Variants in DST observed in about 807,000 individuals in gnomAD.
DST encodes bullous pemphigoid antigen.
Under a neutral mutation model 875.2 loss-of-function variants are expected in DST, and 253 were observed. That is an observed-to-expected ratio of 0.29 (90% CI 0.26 to 0.32). DST has a LOEUF of 0.32. DST is among the 10% of genes least tolerant of loss of function. The pLI is 1.00. For missense variants in DST, 8,287 were observed against 9,111.6 expected (o/e 0.91, Z 3.68); for synonymous variants, 3,124 against 3,197.1 (o/e 0.98, Z 0.77).
In DST at chr6:56,517,237, G is replaced by A. The variant is rs750364011; in HGVS notation, c.18318C>T (p.Ile6106=). ...IDDLVKSGHK[I]MTACSEEEKQ... ...TTTCCTCTTCACTGCATGCGGTCAT[G>A]ATTTTATGCCCAGATTTAACAAGGT... The change falls in exon 71 of 104, where the codon ATC becomes ATT. Residue 6106 remains isoleucine, a synonymous_variant. Transcript: ENST00000680361. The A allele has an allele frequency of 7.4e-6, 12 of 1,613,100 alleles. No homozygotes were observed. The highest frequency in any genetic ancestry group is 1.1e-5 in the South Asian group (1 of 91,068).
chr6:56,945,112 C>A (rs1345835366), intron 2 of DST, among the ~76,000 whole-genome samples: 1 of 152,206 alleles, frequency 6.6e-6, no homozygotes, highest in Non-Finnish European at 1.5e-5. Flanking sequence ...GAATAGAAAT[C>A]CCTGTTTATT....
intron 3 of DST, among the ~76,000 whole-genome samples, chr6:56,887,277 C>A (rs1785077390): frequency 6.6e-6 from 1 of 152,158 alleles, no homozygotes; most frequent in African/African-American, 2.4e-5. Context: ...GACACGGTAG[C>A]AGGTGGCTAT....
chr6:56,667,883 C>T lies in DST; in HGVS notation c.1214+2758G>A, dbSNP rs568639328. Among the ~76,000 whole-genome samples the T allele has an allele frequency of 5.6e-4, 85 of 151,922 alleles. 5 individuals carry two copies. In the South Asian group the frequency reaches 0.018, roughly 31 times the overall value. On this transcript the variant is annotated intron_variant, in intron 10 of 103. Coordinates refer to ENST00000680361, the MANE Select transcript of DST (RefSeq NM_001374736.1). ...TACTTATAATTATTCATGAGTACCA[C>T]AGAGACAATGTCCAGAGGCCATTGT...
chr6:56,610,997 T>C (rs1249030781), intron 38 of DST, among the ~76,000 whole-genome samples: 2 of 152,176 alleles, frequency 1.3e-5, no homozygotes, highest in African/African-American at 2.4e-5. Context: ...AAAGTCATTA[T>C]GAAATAATCC....
At chr6:56,637,050 T>G (rs2098832431) in intron 22 of DST, among the ~76,000 whole-genome samples, 1 of 151,584 alleles carries the variant, frequency 6.6e-6, no homozygotes, top group Admixed American at 6.6e-5. Flanking sequence ...GCCATCGCAC[T>G]CCAGCCTGGG....
intron 12 of DST, 78 bp from the exon 13 acceptor site, chr6:56,648,767 C>G (rs889172440): frequency 4.9e-5 from 61 of 1,246,364 alleles, no homozygotes; most frequent in Non-Finnish European, 6.5e-5. Context: ...AGTCAGAAGT[C>G]ATTCTGTAAA....
At chr6:56,735,146 T>A in intron 5 of DST, 82 bp downstream of exon 5, 1 of 923,370 alleles carries the variant, frequency 1.1e-6, no homozygotes. Flanking sequence ...AAAGTTGTGC[T>A]TCAGAGCTAT....
chr6:56,849,580 C>G (rs940536260), intron 4 of DST, among the ~76,000 whole-genome samples: 2 of 152,212 alleles, frequency 1.3e-5, no homozygotes, highest in Admixed American at 1.3e-4. Context: ...CTAATAGCAT[C>G]AGCACCTTCA....
At chr6:56,643,894 G>A (rs2098927386) in intron 15 of DST, among the ~76,000 whole-genome samples, 1 of 152,168 alleles carries the variant, frequency 6.6e-6, no homozygotes, top group African/African-American at 2.4e-5. Context: ...TAATTATTAT[G>A]TGCAAGAAAT....
chr6:56,623,250 T>C (rs1352828049), intron 36 of DST, among the ~76,000 whole-genome samples: 3 of 152,220 alleles, frequency 2.0e-5, no homozygotes, highest in Admixed American at 6.5e-5. Context: ...GTGGCCCATA[T>C]ATGTATAATC....
In DST at chr6:56,907,825, C is replaced by T. The variant is rs919549869; in HGVS notation, c.217-7204G>A. ...AAACTACTGTCAAGTTTACTGATTA[C>T]GCATCTGGAAAGAGGAAAAATTAAC... On this transcript the variant is annotated intron_variant, in intron 2 of 103. Coordinates refer to ENST00000680361, the MANE Select transcript of DST (RefSeq NM_001374736.1). Among the ~76,000 whole-genome samples, 6 of 152,240 alleles carry T rather than the reference C, an allele frequency of 3.9e-5. No homozygotes were observed. The South Asian group carries it at 8.3e-4, about 21-fold the overall frequency.
At position 56,473,998 on chromosome 6, in the gene DST, A is replaced by G. The variant is rs1362849667; in HGVS notation, c.21869T>C (p.Phe7290Ser). ...CTGTTTTCTGGTCATTTCCTCCATG[A>G]AGGTCTGAAATGAAAGAAATGATGT... ...VKALIAEHQT[F>S]MEEMTRKQPD... The change falls in exon 93 of 104, where the codon TTC becomes TCC. Residue 7290 changes from phenylalanine (F) to serine (S), a missense_variant. Coordinates refer to ENST00000680361, the MANE Select transcript of DST (RefSeq NM_001374736.1). 3 of 1,573,622 alleles carry G rather than the reference A, an allele frequency of 1.9e-6. No individual in the cohort carries two copies. The highest frequency in any genetic ancestry group is 2.6e-6 in the Non-Finnish European group (3 of 1,157,568).
chr6:56,482,637 CA>C (rs1236295872), intron 89 of DST, 45 bp downstream of exon 89: 1 of 1,573,344 alleles, frequency 6.4e-7, no homozygotes, highest in Admixed American at 1.7e-5. Flanking sequence ...GTTGAGGTTT[CA>C]ATACTTTTCC....
chr6:56,582,231 A>T (rs2098018484), intron 49 of DST, among the ~76,000 whole-genome samples: 1 of 152,116 alleles, frequency 6.6e-6, no homozygotes, highest in Admixed American at 6.6e-5. Context: ...CCCCGCCCAA[A>T]TCTCACATTG....
chr6:56,650,941 T>C lies in DST; in HGVS notation c.1419A>G (p.Glu473=), dbSNP rs2098972392. ...CAATACTCACATTTGCACCAATGCC[T>C]TCCCCACCTTCAGGGACTTTAGGAA... ...DAFPKVPEGG[E]GIGANDVEVK... The change falls in exon 12 of 104, where the codon GAA becomes GAG. Residue 473 remains glutamate, a synonymous_variant. Coordinates refer to ENST00000680361, the MANE Select transcript of DST (RefSeq NM_001374736.1). 1 of 1,611,036 alleles carries C rather than the reference T, an allele frequency of 6.2e-7. No individual in the cohort carries two copies. The highest frequency in any genetic ancestry group is 8.5e-7 in the Non-Finnish European group (1 of 1,177,686).
At chr6:56,801,175 A>G (rs191262260) in intron 4 of DST, among the ~76,000 whole-genome samples, 42 of 152,222 alleles carry the variant, frequency 2.8e-4, no homozygotes, top group Non-Finnish European at 5.0e-4. Flanking sequence ...CAGATTTTAT[A>G]TGGATTTCAT....
At chr6:56,935,615 C>T (rs1270446535) in intron 2 of DST, among the ~76,000 whole-genome samples, 1 of 152,134 alleles carries the variant, frequency 6.6e-6, no homozygotes, top group African/African-American at 2.4e-5. Context: ...AAGTTGGAGA[C>T]AAATGCAGAA....
chr6:56,666,831 A>T (rs182718154), intron 10 of DST, among the ~76,000 whole-genome samples: 5 of 150,252 alleles, frequency 3.3e-5, no homozygotes, highest in Admixed American at 3.3e-4. Flanking sequence ...GACCTCCTGG[A>T]CTCAAGCTAT....
chr6:56,637,415 G>A (rs1012030619), intron 22 of DST, among the ~76,000 whole-genome samples: 1 of 152,030 alleles, frequency 6.6e-6, no homozygotes, highest in Non-Finnish European at 1.5e-5. Flanking sequence ...GTTTTCTTTC[G>A]TGGCACATTC....
Sources: allele counts gnomAD v4.1 joint callset (sites outside exome capture counted in the v4.1 genomes callset), GRCh38; gene constraint gnomAD v4.1.1; transcripts MANE v1.5; gene names NCBI Gene and HGNC (gene_info 2026-07-23, HGNC 2026-07-21).